EFNA1: variants seen among roughly 807,000 people sequenced by gnomAD.
The protein encoded by EFNA1 is ephrin A1.
A neutral mutation model predicts 23.2 loss-of-function variants in EFNA1; 8 were observed. The observed-to-expected ratio is 0.34, with a 90% CI of 0.20 to 0.62. The LOEUF (loss-of-function observed/expected upper bound fraction) is 0.62, where lower values mean the gene tolerates loss of function less well. Ranked by LOEUF, EFNA1 falls within the 20% of genes least tolerant of loss-of-function variation. The pLI, the probability that EFNA1 is intolerant of heterozygous loss-of-function variation, is 0.75. For synonymous variants in EFNA1, 89 were observed against 98.6 expected (o/e 0.90, Z 0.58); for missense variants, 217 against 260.0 (o/e 0.83, Z 1.14).
At chr1:155,133,059 T>A (rs1476946657) in intron 2 of EFNA1, among the ~76,000 whole-genome samples, 1 of 152,178 alleles carries the variant, frequency 6.6e-6, no homozygotes, top group South Asian at 2.1e-4. Context: ...TACAGGCATG[T>A]GCCACCATGC....
intron 1 of EFNA1, 68 bp from the exon 2 acceptor site, chr1:155,131,271 C>A: frequency 6.5e-7 from 1 of 1,537,234 alleles, no homozygotes; most frequent in Non-Finnish European, 8.8e-7. Flanking sequence ...TGTAAACATT[C>A]AGAGGCCCAA....
intron 1 of EFNA1, chr1:155,129,875 C>T (rs1413005547): frequency 6.6e-6 from 1 of 152,500 alleles, no homozygotes; most frequent in African/African-American, 2.4e-5. Context: ...GCACATTTGA[C>T]AAGGTAAGTT....
intron 1 of EFNA1, among the ~76,000 whole-genome samples, chr1:155,130,075 G>T (rs1473703350): frequency 6.6e-6 from 1 of 152,222 alleles, no homozygotes; most frequent in Admixed American, 6.5e-5. Context: ...TCCCCAGGGT[G>T]GGGGAGGGGC....
chr1:155,129,549 G>A (rs984172986), intron 1 of EFNA1: 36 of 102,850 alleles, frequency 3.5e-4, no homozygotes, highest in Admixed American at 1.4e-3. Flanking sequence ...ACACACACAC[G>A]CACACCCTAT....
Position 155,134,367 on chromosome 1 carries a change from T to A in EFNA1, c.*300T>A. 2.3e-6 allele frequency: 1 copy of A among 438,496 alleles called. No individual in the cohort carries two copies. Among genetic ancestry groups the A allele is most frequent in the South Asian group, 2.2e-5 (1 of 45,890 alleles). The allele number at this position is 438,496 out of a possible 1,614,324, so 27.2% of individuals were successfully genotyped here. A position where few individuals can be genotyped will look rare whatever the true frequency, so the allele number is the denominator to read the frequency against. On this transcript the variant is annotated 3_prime_UTR_variant, in exon 5 of 5. Transcript: ENST00000368407. Reference sequence around the variant, plus strand: ...AAAGAAACAAGCTGTGCAGGCATGGTCCCTTAAGGCACAGTGGGAGCTGAG... The same window carrying A: ...AAAGAAACAAGCTGTGCAGGCATGGACCCTTAAGGCACAGTGGGAGCTGAG...
At chr1:155,128,163 AGTAGATGACCGAGGTAGGAGGGCGGCT>A in intron 1 of EFNA1, 94 bp downstream of exon 1, 1 of 1,131,804 alleles carries the variant, frequency 8.8e-7, no homozygotes, top group Non-Finnish European at 1.3e-6. Context: ...CTGAGCCTAG[AGTAGATGACCGAGGTAGGAGGGCGGCT>A]GTAGATTTTC....
Position 155,134,031 on chromosome 1 carries a change from G to A in EFNA1, c.582G>A (p.Val194=). The A allele has an allele frequency of 6.2e-7, 1 of 1,614,128 alleles. No individual in the cohort carries two copies. The highest frequency in any genetic ancestry group is 8.5e-7 in the Non-Finnish European group (1 of 1,180,020). Residue 194 remains valine, a synonymous_variant, in exon 5 of 5, where the codon GTG becomes GTA. Coordinates refer to ENST00000368407, the MANE Select transcript of EFNA1 (RefSeq NM_004428.3). ...APRLFPLAWT[V]LLLPLLLLQT... ...GCCTCTTCCCACTTGCCTGGACTGT[G>A]CTGCTCCTTCCACTTCTGCTGCTGC...
intron 1 of EFNA1, among the ~76,000 whole-genome samples, chr1:155,128,557 T>C (rs1664148475): frequency 6.6e-6 from 1 of 152,178 alleles, no homozygotes; most frequent in Non-Finnish European, 1.5e-5. Flanking sequence ...AGGCATTCAT[T>C]ATGCATTCAC....
At position 155,131,349 on chromosome 1, in the gene EFNA1, G is replaced by A. The variant is rs1320581827; in HGVS notation, c.103G>A (p.Glu35Lys). 3 of 1,601,882 alleles carry A rather than the reference G, an allele frequency of 1.9e-6. No individual in the cohort carries two copies. The highest frequency in any genetic ancestry group is 2.6e-6 in the Non-Finnish European group (3 of 1,169,842). The part of the protein sequence containing the change: ...WNSSNPKFRN[E>K]DYTIHVQLND... ...TGTGTGTGTCCCCAGGTTCCGGAAT[G>A]AGGACTACACCATACATGTGCAGCT... Residue 35 changes from glutamate to lysine, a missense_variant, in exon 2 of 5, where the codon GAG (glutamate) becomes AAG (lysine). By Grantham distance (56) the Glu-to-Lys change is moderately conservative. Transcript: ENST00000368407.
rs983189814 is a variant in EFNA1 at position 155,133,794 on chromosome 1, G to A, written c.505+14G>A. On this transcript the variant is annotated intron_variant, in intron 4 of 4. Transcript: ENST00000368407. ...GACTTGCAGCAGGTGGGTAGCTGGA[G>A]CAAACTGGGCCTGGGGCACAGGAAG... 13 of 1,614,108 alleles carry A rather than the reference G, an allele frequency of 8.1e-6. No individual in the cohort carries two copies. The highest frequency in any genetic ancestry group is 1.1e-5 in the Non-Finnish European group (13 of 1,180,000).
At position 155,127,996 on chromosome 1, in the gene EFNA1, C is replaced by A. The variant is rs372639058; in HGVS notation, c.19C>A (p.Pro7Thr). 1.2e-6 allele frequency: 2 copies of A among 1,613,458 alleles called. No homozygotes were observed. The highest frequency in any genetic ancestry group is 8.5e-7 in the Non-Finnish European group (1 of 1,179,972). ...CCGCGCTATGGAGTTCCTCTGGGCCCCTCTCTTGGGTCTGTGCTGCAGTCT... is the reference window on the plus strand; with the variant it reads ...CCGCGCTATGGAGTTCCTCTGGGCCACTCTCTTGGGTCTGTGCTGCAGTCT... Reference protein sequence around the residue: MEFLWAPLLGLCCSLAA... With the variant: MEFLWATLLGLCCSLAA... The change falls in exon 1 of 5, where the codon CCT (proline) becomes ACT (threonine). Residue 7 changes from proline to threonine, a missense_variant. Physicochemically the swap from Pro to Thr is conservative, Grantham distance 38. Transcript: ENST00000368407. The surrounding 1 kb of genome is among the most constrained non-coding windows in gnomAD (Gnocchi z 4.4).
chr1:155,130,566 A>AG (rs1323082844), intron 1 of EFNA1: 2 of 984,082 alleles, frequency 2.0e-6, no homozygotes, highest in Non-Finnish European at 2.4e-6. Context: ...CATTTCATCT[A>AG]GGGGGAGGTG....
intron 3 of EFNA1, 23 bp from the exon 4 acceptor site, chr1:155,133,707 C>G (rs1158283233): frequency 6.2e-7 from 1 of 1,613,702 alleles, no homozygotes; most frequent in South Asian, 1.1e-5. Context: ...AGTACCTGAT[C>G]TACTACCACT....
chr1:155,130,926 G>A (rs1199392157), intron 1 of EFNA1: 12 of 985,232 alleles, frequency 1.2e-5, no homozygotes, highest in African/African-American at 1.7e-5. Context: ...GGACCTGTGG[G>A]GGTCTCAGAT....
In EFNA1 at chr1:155,127,907, G is replaced by A. The variant is rs1272194064; in HGVS notation, c.-71G>A. 15 of 1,245,516 alleles carry A rather than the reference G, an allele frequency of 1.2e-5. No homozygotes were observed. The highest frequency in any genetic ancestry group is 2.3e-6 in the Non-Finnish European group (2 of 878,796). The allele number at this position is 1,245,516 out of a possible 1,614,324, so 77.2% of individuals were successfully genotyped here. A position where few individuals can be genotyped will look rare whatever the true frequency, so the allele number is the denominator to read the frequency against. ...GTGAGCCCAGCGCTGACTGCGCCGCGGAGAAAGCCAGTGGGAACCCAGACC... is the reference window on the plus strand; with the variant it reads ...GTGAGCCCAGCGCTGACTGCGCCGCAGAGAAAGCCAGTGGGAACCCAGACC... On this transcript the variant is annotated 5_prime_UTR_variant, in exon 1 of 5. Transcript: ENST00000368407. The surrounding 1 kb of genome is among the most constrained non-coding windows in gnomAD (Gnocchi z 4.4).
chr1:155,127,951 C>A lies in EFNA1; in HGVS notation c.-27C>A. Reference sequence around the variant, plus strand: ...CCAGACCCATAGGAGACCCGCGTCCCCGCTCGGCCTGGCCAGGCCCCGCGC... The same window carrying A: ...CCAGACCCATAGGAGACCCGCGTCCACGCTCGGCCTGGCCAGGCCCCGCGC... On this transcript the variant is annotated 5_prime_UTR_variant, in exon 1 of 5. Coordinates refer to ENST00000368407, the MANE Select transcript of EFNA1 (RefSeq NM_004428.3). This position sits in a 1 kb window ranked among gnomAD's most constrained non-coding sequence, Gnocchi z 4.4. 6.2e-7 allele frequency: 1 copy of A among 1,602,018 alleles called. No homozygotes were observed. Among genetic ancestry groups the A allele is most frequent in the African/African-American group, 1.3e-5 (1 of 74,902 alleles).
At chr1:155,129,951 C>T (rs1664194105) in intron 1 of EFNA1, 1 of 152,516 alleles carries the variant, frequency 6.6e-6, no homozygotes, top group Admixed American at 6.5e-5. Context: ...CAGTGCCCGT[C>T]ACGGGAATGA....
intron 2 of EFNA1, 149 bp downstream of exon 2, chr1:155,131,783 C>T (rs991881173): frequency 7.1e-5 from 66 of 923,176 alleles, no homozygotes; most frequent in Non-Finnish European, 9.9e-5. Context: ...TGTGAGTGAG[C>T]TTCTACTATG....
intron 2 of EFNA1, among the ~76,000 whole-genome samples, 189 bp from the exon 3 acceptor site, chr1:155,133,314 A>G (rs886771703): frequency 6.6e-6 from 1 of 152,186 alleles, no homozygotes; most frequent in Non-Finnish European, 1.5e-5. Flanking sequence ...GTTATTTCCA[A>G]AGAATGAGAG....
Sources: gnomAD v4.1 joint callset for allele counts (sites outside exome capture counted in the v4.1 genomes callset) on GRCh38, gnomAD v4.1.1 for gene constraint, Gnocchi (gnomAD v3.1) non-coding constraint, MANE v1.5 for transcripts, NCBI Gene and HGNC (gene_info 2026-07-23, HGNC 2026-07-21) for gene names.